The following DCBLD1 variants were observed in gnomAD, a reference collection of about 807,000 sequenced individuals.
DCBLD1 encodes discoidin, CUB and LCCL domain-containing protein 1.
In DCBLD1, 57 loss-of-function variants were observed where a neutral mutation model predicts 71.5. The observed-to-expected ratio is 0.80, with a 90% confidence interval of 0.64 to 0.99. The LOEUF is 0.99. Among genes scored for constraint, DCBLD1 ranks in the 50% least tolerant of loss-of-function variants. DCBLD1 has a pLI of 0.00. For missense variants in DCBLD1, 891 were observed against 923.5 expected, an observed-to-expected ratio of 0.96 and a Z score of 0.46; for synonymous variants, 380 against 363.8, an observed-to-expected ratio of 1.04 and a Z score of -0.51.
intron 1 of DCBLD1, among the ~76,000 whole-genome samples, chr6:117,498,257 C>A (rs1320567583): frequency 2.6e-5 from 4 of 152,168 alleles, no homozygotes; most frequent in Non-Finnish European, 5.9e-5. Context: ...GTGTCACAAA[C>A]CAGCTGTGGC....
chr6:117,555,649 A>C (rs565071926), intron 14 of DCBLD1, among the ~76,000 whole-genome samples: 35 of 152,212 alleles, frequency 2.3e-4, no homozygotes, highest in African/African-American at 8.4e-4. Context: ...CTACTATGTA[A>C]CTCTAGGAGT....
At chr6:117,520,480 C>A (rs190833574) in intron 3 of DCBLD1, among the ~76,000 whole-genome samples, 33 of 152,306 alleles carry the variant, frequency 2.2e-4, no homozygotes, top group South Asian at 4.1e-4. Context: ...AGCCCTCCCC[C>A]ATCCTCCTCC....
chr6:117,516,705 T>TA (rs1185274975), intron 2 of DCBLD1, among the ~76,000 whole-genome samples: 2 of 152,216 alleles, frequency 1.3e-5, no homozygotes, highest in African/African-American at 4.8e-5. Context: ...TAATTGGACT[T>TA]ACAGTTCCAC....
intron 1 of DCBLD1, among the ~76,000 whole-genome samples, chr6:117,484,021 T>C (rs1312331051): frequency 6.6e-6 from 1 of 152,234 alleles, no homozygotes; most frequent in African/African-American, 2.4e-5. Context: ...AGTGATTTTG[T>C]CTGGTACTGT....
At chr6:117,563,229 A>C in intron 14 of DCBLD1, 1 of 1,604,780 alleles carries the variant, frequency 6.2e-7, no homozygotes, top group Non-Finnish European at 8.5e-7. Context: ...TCTGATTAAC[A>C]ATCTTGTCTG....
rs193127225 is a variant in DCBLD1 at position 117,537,497 on chromosome 6, G to A, written c.760+272G>A. ...TGCAGTGAGCTGAGATTGCGCCACT[G>A]CACTCCAGCCTGGGTAACAGAGCGA... On this transcript the variant is annotated intron_variant, in intron 7 of 14. Transcript: ENST00000338728. 3.9e-3 allele frequency among the ~76,000 whole-genome samples: 582 copies of A among 149,178 alleles called. 1 individual carries two copies. The highest frequency in any genetic ancestry group is 6.0e-3 in the Non-Finnish European group (406 of 67,672).
At chr6:117,518,022 A>G (rs191347286) in intron 2 of DCBLD1, among the ~76,000 whole-genome samples, 20 of 152,156 alleles carry the variant, frequency 1.3e-4, no homozygotes, top group Admixed American at 5.9e-4. Context: ...AGAAAATGGG[A>G]TTTTCTTTTC....
At chr6:117,492,816 C>T (rs1463640252) in intron 1 of DCBLD1, among the ~76,000 whole-genome samples, 4 of 152,162 alleles carry the variant, frequency 2.6e-5, no homozygotes, top group African/African-American at 7.2e-5. Flanking sequence ...GTGAGATTTG[C>T]TATTTTCTTG....
chr6:117,488,356 T>C (rs2114358962), intron 1 of DCBLD1, among the ~76,000 whole-genome samples: 1 of 152,168 alleles, frequency 6.6e-6, no homozygotes, highest in South Asian at 2.1e-4. Context: ...TTTAAGAAAA[T>C]AACTAGGCCG....
intron 4 of DCBLD1, among the ~76,000 whole-genome samples, chr6:117,524,077 C>G (rs1778468671): frequency 1.3e-5 from 2 of 152,168 alleles, no homozygotes; most frequent in Non-Finnish European, 2.9e-5. Context: ...CCACTGCTAG[C>G]TAGGTAGTGC....
chr6:117,514,087 A>G (rs1220640820), intron 2 of DCBLD1, among the ~76,000 whole-genome samples: 2 of 152,138 alleles, frequency 1.3e-5, no homozygotes, highest in East Asian at 1.9e-4. Context: ...TCTCAATGCT[A>G]TCATATTTTT....
At position 117,546,130 on chromosome 6, in the gene DCBLD1, A is replaced by G. The variant is rs556397592; in HGVS notation, c.1615+533A>G. On this transcript the variant is annotated intron_variant, in intron 14 of 14. Transcript: ENST00000338728. ...ACTGTAAAATGCAATATAAAATACTAGTAATAAGGAAATTTTAAAGATACA... is the reference window on the plus strand; with the variant it reads ...ACTGTAAAATGCAATATAAAATACTGGTAATAAGGAAATTTTAAAGATACA... Among the ~76,000 whole-genome samples the G allele has an allele frequency of 2.3e-3, 355 of 152,330 alleles. 1 individual carries two copies. The highest frequency in any genetic ancestry group is 8.1e-3 in the African/African-American group (335 of 41,580).
chr6:117,512,857 T>G (rs1231414087), intron 2 of DCBLD1, among the ~76,000 whole-genome samples: 1 of 152,124 alleles, frequency 6.6e-6, no homozygotes, highest in East Asian at 1.9e-4. Context: ...CAGTGGTTTT[T>G]CCCACTGACA....
intron 2 of DCBLD1, among the ~76,000 whole-genome samples, chr6:117,504,501 A>T (rs1777773213): frequency 6.6e-6 from 1 of 152,198 alleles, no homozygotes; most frequent in Non-Finnish European, 1.5e-5. Flanking sequence ...CCTGCGTTTG[A>T]GTGTTTTTGT....
At chr6:117,518,966 G>A (rs1314867365) in intron 2 of DCBLD1, among the ~76,000 whole-genome samples, 2 of 152,020 alleles carry the variant, frequency 1.3e-5, no homozygotes, top group African/African-American at 2.4e-5. Flanking sequence ...TGTTGTTGCC[G>A]CTGACTATTT....
At chr6:117,532,220 G>A (rs375932606) in intron 5 of DCBLD1, 40 bp from the exon 6 acceptor site, 10 of 1,550,048 alleles carry the variant, frequency 6.5e-6, no homozygotes, top group East Asian at 2.3e-5. Flanking sequence ...TTTTAACTGT[G>A]TTCTTTTAAG....
At chr6:117,506,066 A>G (rs186324739) in intron 2 of DCBLD1, among the ~76,000 whole-genome samples, 29 of 152,204 alleles carry the variant, frequency 1.9e-4, no homozygotes, top group African/African-American at 6.0e-4. Flanking sequence ...GCTCATCTGT[A>G]TTATTATTAT....
intron 8 of DCBLD1, 187 bp downstream of exon 8, chr6:117,539,022 A>G: frequency 1.4e-6 from 1 of 711,450 alleles, no homozygotes; most frequent in Non-Finnish European, 2.3e-6. Flanking sequence ...AGTTGTAAAT[A>G]TGGATATATG....
chr6:117,485,414 A>G (rs1458870645), intron 1 of DCBLD1, among the ~76,000 whole-genome samples: 3 of 152,242 alleles, frequency 2.0e-5, no homozygotes, highest in Non-Finnish European at 4.4e-5. Context: ...TGTTATTTAG[A>G]AGGTCTGCTG....
Sources: gnomAD v4.1 joint callset for allele counts (sites outside exome capture counted in the v4.1 genomes callset) on GRCh38, gnomAD v4.1.1 for gene constraint, MANE v1.5 for transcripts, NCBI Gene and HGNC (gene_info 2026-07-23, HGNC 2026-07-21) for gene names.